The following RAPGEF2 variants were observed in gnomAD, a reference collection of about 807,000 sequenced individuals.
The protein encoded by RAPGEF2 is PDZ domain containing guanine nucleotide exchange factor (GEF) 1.
RAPGEF2 carries 54 observed loss-of-function variants against 186.7 expected under a neutral mutation model. The ratio of observed to expected loss-of-function variants is 0.29; its 90% CI spans 0.23 to 0.36. The LOEUF (loss-of-function observed/expected upper bound fraction) is 0.36, where lower values mean the gene tolerates loss of function less well. RAPGEF2 is among the 10% of genes least tolerant of loss of function. The pLI, the probability that RAPGEF2 is intolerant of heterozygous loss-of-function variation, is 1.00. For synonymous variants in RAPGEF2, 712 were observed against 705.9 expected (o/e 1.01, Z -0.14); for missense variants, 1,532 against 2,045.0 (o/e 0.75, Z 4.84).
chr4:159,237,087 C>A (rs2111459342), intron 4 of RAPGEF2, among the ~76,000 whole-genome samples: 1 of 152,298 alleles, frequency 6.6e-6, no homozygotes, highest in East Asian at 1.9e-4. Context: ...GTGGCACATT[C>A]TTGGCTCACT....
chr4:159,155,327 G>T (rs1199379868), intron 1 of RAPGEF2, among the ~76,000 whole-genome samples: 2 of 152,128 alleles, frequency 1.3e-5, no homozygotes, highest in Non-Finnish European at 2.9e-5. Flanking sequence ...GCCACCTTTT[G>T]CACATTTCCT....
At chr4:159,318,473 TG>T (rs1279668920) in intron 9 of RAPGEF2, among the ~76,000 whole-genome samples, 1 of 152,212 alleles carries the variant, frequency 6.6e-6, no homozygotes, top group Non-Finnish European at 1.5e-5. Flanking sequence ...AGTGTGTGCA[TG>T]AGTGTTTAAG....
Position 159,103,808 on chromosome 4 carries a change from C to T in RAPGEF2, c.-355C>T, listed in dbSNP as rs1324306682. ...GCCAGGAGGAGCCGCCACTGTCCCC[C>T]GAGTGGAGCCGGGGAGGCGTGTCGA... On this transcript the variant is annotated 5_prime_UTR_variant, in exon 1 of 30. Transcript: ENST00000691494. The T allele has an allele frequency of 6.5e-6, 1 of 152,980 alleles. No homozygotes were observed. The highest frequency in any genetic ancestry group is 1.5e-5 in the Non-Finnish European group (1 of 68,770). The allele number at this position is 152,980 out of a possible 1,614,324, so 9.5% of individuals were successfully genotyped here.
intron 1 of RAPGEF2, among the ~76,000 whole-genome samples, chr4:159,106,436 G>A (rs1158400656): frequency 6.6e-6 from 1 of 152,076 alleles, no homozygotes; most frequent in Non-Finnish European, 1.5e-5. Flanking sequence ...TTTTGTAGAA[G>A]GTACTTTTTA....
chr4:159,166,741 C>T (rs1745362704), intron 1 of RAPGEF2, among the ~76,000 whole-genome samples: 1 of 152,058 alleles, frequency 6.6e-6, no homozygotes, highest in South Asian at 2.1e-4. Flanking sequence ...AAAAAACCGA[C>T]AATAAAAATG....
Position 159,104,101 on chromosome 4 carries a change from C to A in RAPGEF2, c.-62C>A. Reference sequence around the variant, plus strand: ...GCGCGCAGGGCGGAGGCAGCAGCGGCGCTGGGCCGGGAGGAGGCCGGCCAG... The same window carrying A: ...GCGCGCAGGGCGGAGGCAGCAGCGGAGCTGGGCCGGGAGGAGGCCGGCCAG... On this transcript the variant is annotated 5_prime_UTR_variant, in exon 1 of 30. Coordinates refer to ENST00000691494, the MANE Select transcript of RAPGEF2 (RefSeq NM_001394067.2). The A allele has an allele frequency of 8.5e-7, 1 of 1,178,654 alleles. No individual in the cohort carries two copies. The highest frequency in any genetic ancestry group is 1.1e-6 in the Non-Finnish European group (1 of 880,512). 73.0% of individuals were successfully genotyped at this position (1,178,654 alleles called of 1,614,324 possible).
At chr4:159,236,136 T>C (rs748608033) in intron 4 of RAPGEF2, among the ~76,000 whole-genome samples, 4 of 152,252 alleles carry the variant, frequency 2.6e-5, no homozygotes, top group Non-Finnish European at 5.9e-5. Context: ...TCAATAAATA[T>C]ATCTGATGGA....
At chr4:159,271,999 T>G (rs1758190009) in intron 7 of RAPGEF2, among the ~76,000 whole-genome samples, 1 of 152,184 alleles carries the variant, frequency 6.6e-6, no homozygotes, top group Admixed American at 6.5e-5. Flanking sequence ...GCTGCTTAAC[T>G]CTTTAAACAT....
intron 4 of RAPGEF2, among the ~76,000 whole-genome samples, chr4:159,227,921 G>A (rs1289975248): frequency 6.6e-6 from 1 of 152,158 alleles, no homozygotes; most frequent in African/African-American, 2.4e-5. Context: ...TTGTAGTACA[G>A]CTTGGGTAAA....
chr4:159,178,657 A>G (rs1746705686), intron 1 of RAPGEF2, among the ~76,000 whole-genome samples: 1 of 140,862 alleles, frequency 7.1e-6, no homozygotes, highest in Non-Finnish European at 1.5e-5. Context: ...TCCCGGGTTC[A>G]AGCGATTCTC....
At chr4:159,331,863 G>T in intron 15 of RAPGEF2, 30 bp downstream of exon 15, 1 of 1,598,266 alleles carries the variant, frequency 6.3e-7, no homozygotes, top group African/African-American at 1.4e-5. Flanking sequence ...ATTTAAGGGT[G>T]AATTTTGGTG....
intron 8 of RAPGEF2, among the ~76,000 whole-genome samples, chr4:159,307,995 G>T (rs1763513274): frequency 6.6e-6 from 1 of 152,144 alleles, no homozygotes; most frequent in Non-Finnish European, 1.5e-5. Context: ...TAACTTGTTT[G>T]TATAATCGAT....
chr4:159,224,284 T>C (rs774901268), intron 4 of RAPGEF2, among the ~76,000 whole-genome samples: 23 of 152,220 alleles, frequency 1.5e-4, no homozygotes, highest in Non-Finnish European at 3.2e-4. Context: ...ATTTTTTTCA[T>C]TGATTATCTA....
chr4:159,187,333 C>G (rs1319432688), intron 2 of RAPGEF2, among the ~76,000 whole-genome samples: 1 of 151,860 alleles, frequency 6.6e-6, no homozygotes, highest in Non-Finnish European at 1.5e-5. Flanking sequence ...CTCCCCATCC[C>G]CCTCCACTTC....
chr4:159,126,251 C>T (rs541138907), intron 1 of RAPGEF2, among the ~76,000 whole-genome samples: 34 of 152,058 alleles, frequency 2.2e-4, no homozygotes, highest in African/African-American at 5.3e-4. Context: ...TTTTAAAGGA[C>T]GAGAGTTAAA....
rs1202519058 is a variant in RAPGEF2 at position 159,344,067 on chromosome 4, G to A, written c.3278+8G>A. 3 of 1,531,414 alleles carry A rather than the reference G, an allele frequency of 2.0e-6. No homozygotes were observed. The highest frequency in any genetic ancestry group is 4.5e-5 in the East Asian group (2 of 44,468). 94.9% of individuals were successfully genotyped at this position (1,531,414 alleles called of 1,614,324 possible). On this transcript the variant is annotated splice_region_variant and intron_variant, in intron 23 of 29. Transcript: ENST00000691494. ...GAAATGGCGGAGTTTGGGGTAAGTG[G>A]TGGAGACCTTGCATACCCACACACA...
chr4:159,282,560 C>T, intron 7 of RAPGEF2: 1 of 427,730 alleles, frequency 2.3e-6, no homozygotes, highest in Admixed American at 2.8e-5. Flanking sequence ...GATACAAATT[C>T]TATGCTTTCG....
At chr4:159,355,802 C>T (rs1398361216) in intron 28 of RAPGEF2, 51 bp from the exon 29 acceptor site, 2 of 1,422,806 alleles carry the variant, frequency 1.4e-6, no homozygotes, top group Admixed American at 4.5e-5. Flanking sequence ...TTTTAATAAA[C>T]TTTTGTGGCA....
intron 1 of RAPGEF2, among the ~76,000 whole-genome samples, chr4:159,111,137 G>T (rs1289359166): frequency 6.6e-6 from 1 of 152,164 alleles, no homozygotes; most frequent in Non-Finnish European, 1.5e-5. Context: ...GTCTGTGAAA[G>T]AATTTACCCT....
Sources: allele counts gnomAD v4.1 joint callset (sites outside exome capture counted in the v4.1 genomes callset), GRCh38; gene constraint gnomAD v4.1.1; transcripts MANE v1.5; gene names NCBI Gene and HGNC (gene_info 2026-07-23, HGNC 2026-07-21).